The following DCC variants were observed in gnomAD, a reference collection of about 807,000 sequenced individuals.
DCC encodes DCC netrin 1 receptor.
A neutral mutation model predicts 172.5 loss-of-function variants in DCC; 58 were observed. The observed-to-expected ratio is 0.34, with a 90% CI of 0.27 to 0.42. The LOEUF (loss-of-function observed/expected upper bound fraction) is 0.42. Among genes scored for constraint, DCC ranks in the 10% least tolerant of loss-of-function variants. DCC has a pLI of 1.00. For missense variants in DCC, 1,740 were observed against 1,791.0 expected (o/e 0.97, Z 0.51); for synonymous variants, 709 against 644.5 (o/e 1.10, Z -1.52).
At chr18:53,265,742 T>C (rs1200403582) in intron 12 of DCC, among the ~76,000 whole-genome samples, 1 of 152,222 alleles carries the variant, frequency 6.6e-6, no homozygotes, top group East Asian at 1.9e-4. Context: ...CGATCTGTTA[T>C]CTAGGGCTTT....
intron 21 of DCC, among the ~76,000 whole-genome samples, chr18:53,428,140 T>G (rs1911164556): frequency 1.9e-5 from 1 of 52,568 alleles, no homozygotes; most frequent in Non-Finnish European, 3.8e-5. Flanking sequence ...TATAATATAA[T>G]AATATATAAT....
At chr18:52,706,101 G>A (rs921841039) in intron 1 of DCC, among the ~76,000 whole-genome samples, 6 of 152,116 alleles carry the variant, frequency 3.9e-5, no homozygotes, top group African/African-American at 1.4e-4. Context: ...AGCAGCAGAT[G>A]AGACTCTGTG....
intron 1 of DCC, among the ~76,000 whole-genome samples, chr18:52,482,098 C>G (rs567174430): frequency 3.9e-5 from 6 of 151,988 alleles, no homozygotes; most frequent in African/African-American, 1.4e-4. Flanking sequence ...ATCCACTCAC[C>G]CACCCATATG....
intron 1 of DCC, chr18:52,419,371 C>T (rs1372113739): frequency 1.3e-5 from 2 of 152,228 alleles, no homozygotes; most frequent in South Asian, 4.2e-4. Flanking sequence ...ATGCACATAC[C>T]TCTGCCCACT....
At chr18:52,654,793 A>T (rs1260312339) in intron 1 of DCC, among the ~76,000 whole-genome samples, 1 of 152,130 alleles carries the variant, frequency 6.6e-6, no homozygotes, top group Non-Finnish European at 1.5e-5. Flanking sequence ...AAATTTGGAA[A>T]CTGAGTTGCA....
At chr18:53,006,711 G>A (rs2041652166) in intron 5 of DCC, among the ~76,000 whole-genome samples, 1 of 152,124 alleles carries the variant, frequency 6.6e-6, no homozygotes, top group Non-Finnish European at 1.5e-5. Flanking sequence ...GGAAACAAAG[G>A]CAGATGTCAA....
chr18:52,891,793 C>A (rs575100018), intron 2 of DCC, among the ~76,000 whole-genome samples: 2 of 152,192 alleles, frequency 1.3e-5, no homozygotes, highest in African/African-American at 4.8e-5. Context: ...TTTCTCCTTT[C>A]TTCCATCCCA....
intron 15 of DCC, among the ~76,000 whole-genome samples, chr18:53,354,486 T>C (rs1373103792): frequency 6.6e-6 from 1 of 152,108 alleles, no homozygotes. Context: ...CTCATTGTGG[T>C]TTTGATTTGC....
intron 2 of DCC, among the ~76,000 whole-genome samples, chr18:52,788,216 C>T (rs2037693917): frequency 6.6e-6 from 1 of 152,106 alleles, no homozygotes; most frequent in South Asian, 2.1e-4. Context: ...TTTACATTTC[C>T]ATGCTTTCTT....
intron 1 of DCC, among the ~76,000 whole-genome samples, chr18:52,365,034 A>C (rs1984784827): frequency 8.7e-6 from 1 of 115,380 alleles, no homozygotes; most frequent in Non-Finnish European, 1.7e-5. Flanking sequence ...TTTAGGAGAC[A>C]AAAAAAAATA....
chr18:52,854,540 A>C (rs886928595), intron 2 of DCC, among the ~76,000 whole-genome samples: 1 of 152,234 alleles, frequency 6.6e-6, no homozygotes, highest in South Asian at 2.1e-4. Context: ...AAATATTTTG[A>C]AAGTAAGTAT....
chr18:52,939,746 A>G (rs1221596737), intron 5 of DCC, among the ~76,000 whole-genome samples: 1 of 152,126 alleles, frequency 6.6e-6, no homozygotes. Context: ...CATCATCATC[A>G]TCATGCCAGA....
chr18:53,431,984 T>A lies in DCC; in HGVS notation c.3164-3160T>A, dbSNP rs377030467. ...CATTTAATTATTTAGAATTTTAATT[T>A]GTAAAAGTGTTAAAAATTTAGTATG... On this transcript the variant is annotated intron_variant, in intron 21 of 28. Coordinates refer to ENST00000442544, the MANE Select transcript of DCC (RefSeq NM_005215.4). Among the ~76,000 whole-genome samples the A allele has an allele frequency of 7.9e-5, 12 of 152,270 alleles. No homozygotes were observed. In the East Asian group the frequency reaches 1.2e-3, roughly 15 times the overall value.
intron 7 of DCC, among the ~76,000 whole-genome samples, chr18:53,150,851 C>T (rs930155884): frequency 6.6e-6 from 1 of 152,222 alleles, no homozygotes; most frequent in East Asian, 1.9e-4. Context: ...TCTGCACACT[C>T]CTGAAACCTA....
chr18:53,077,937 C>T (rs972093149), intron 7 of DCC, among the ~76,000 whole-genome samples: 1 of 152,092 alleles, frequency 6.6e-6, no homozygotes, highest in African/African-American at 2.4e-5. Context: ...TATGATAGGG[C>T]CCATTGCTAA....
chr18:52,773,518 C>T (rs199733219), intron 2 of DCC, among the ~76,000 whole-genome samples: 1 of 37,924 alleles, frequency 2.6e-5, no homozygotes, highest in Non-Finnish European at 1.3e-4. Flanking sequence ...CTATATCTAT[C>T]TATTTATCTA....
At chr18:52,962,453 CAACAGGT>C (rs1475369150) in intron 5 of DCC, among the ~76,000 whole-genome samples, 1 of 150,102 alleles carries the variant, frequency 6.7e-6, no homozygotes, top group African/African-American at 2.4e-5. Flanking sequence ...AGTCAGGAAA[CAACAGGT>C]GCTGGAGAGG....
At chr18:52,396,082 G>T (rs984828028) in intron 1 of DCC, among the ~76,000 whole-genome samples, 1 of 152,002 alleles carries the variant, frequency 6.6e-6, no homozygotes, top group Non-Finnish European at 1.5e-5. Flanking sequence ...ACTATCAAAT[G>T]CAAACACTAA....
At chr18:52,541,242 T>C (rs2032438785) in intron 1 of DCC, among the ~76,000 whole-genome samples, 1 of 152,200 alleles carries the variant, frequency 6.6e-6, no homozygotes, top group Non-Finnish European at 1.5e-5. Flanking sequence ...ACCTCACTCA[T>C]ATTTTATCCT....
Sources: allele counts gnomAD v4.1 joint callset (sites outside exome capture counted in the v4.1 genomes callset), GRCh38; gene constraint gnomAD v4.1.1; transcripts MANE v1.5; gene names NCBI Gene and HGNC (gene_info 2026-07-23, HGNC 2026-07-21).